The following NBAS variants were observed in gnomAD, a reference collection of about 807,000 sequenced individuals.
NBAS encodes NAG/BC035112 fusion.
A neutral mutation model predicts 302.5 loss-of-function variants in NBAS; 219 were observed. The observed-to-expected ratio is 0.72, with a 90% CI of 0.65 to 0.81. The LOEUF is 0.81. NBAS is among the 30% of genes least tolerant of loss of function. The pLI, the probability that NBAS is intolerant of heterozygous loss-of-function variation, is 0.00. For synonymous variants in NBAS, 1,118 were observed against 1,021.6 expected, an observed-to-expected ratio of 1.09 and a Z score of -1.80; for missense variants, 2,932 against 2,841.6, an observed-to-expected ratio of 1.03 and a Z score of -0.72.
chr2:14,928,259 T>C, the NBAS span, among the ~76,000 whole-genome samples: 9 of 152,226 alleles, frequency 5.9e-5, no homozygotes, highest in Non-Finnish European at 8.8e-5. Flanking sequence ...TGATTCCAAA[T>C]GCAAGCCTAG....
At chr2:15,286,455 T>C (rs1670047203) in intron 42 of NBAS, among the ~76,000 whole-genome samples, 1 of 152,232 alleles carries the variant, frequency 6.6e-6, no homozygotes, top group South Asian at 2.1e-4. Flanking sequence ...TCCACAATCT[T>C]GCTGTACAGC....
intron 3 of NBAS, among the ~76,000 whole-genome samples, chr2:15,556,047 C>T (rs1664629420): frequency 6.6e-6 from 1 of 152,050 alleles, no homozygotes; most frequent in Admixed American, 6.6e-5. Flanking sequence ...AAAAGTGACA[C>T]AATTAAGTAT....
chr2:15,329,209 T>C (rs1672209147), intron 36 of NBAS, among the ~76,000 whole-genome samples: 3 of 152,232 alleles, frequency 2.0e-5, no homozygotes, highest in African/African-American at 2.4e-5. Context: ...CCAAGCATAG[T>C]CTAGGGAAAC....
rs540004993 is a variant in NBAS, at chr2:15,171,680, C to A, written c.6841-4357G>T. 2.0e-5 allele frequency among the ~76,000 whole-genome samples: 3 copies of A among 152,296 alleles called. No individual in the cohort carries two copies. In the East Asian group the frequency reaches 5.8e-4, roughly 29 times the overall value. ...CTGTGTCCCGCACAAATTCGTATGT[C>A]GAAGCCCTTACCCTCAGTACCTCAC... On this transcript the variant is annotated intron_variant, in intron 51 of 51. Coordinates refer to ENST00000281513, the MANE Select transcript of NBAS (RefSeq NM_015909.4).
At chr2:15,185,278 C>A (rs1457117317) in intron 50 of NBAS, among the ~76,000 whole-genome samples, 1 of 152,116 alleles carries the variant, frequency 6.6e-6, no homozygotes, top group African/African-American at 2.4e-5. Context: ...AGATGAAAGC[C>A]CAAGAGTGTT....
chr2:15,517,774 G>A (rs544441740), intron 9 of NBAS, among the ~76,000 whole-genome samples: 2 of 152,158 alleles, frequency 1.3e-5, no homozygotes, highest in Non-Finnish European at 2.9e-5. Flanking sequence ...AGTACATAGA[G>A]TATCGTTTGC....
chr2:15,232,405 T>C lies in NBAS; in HGVS notation c.6236+17A>G, dbSNP rs772257082. On this transcript the variant is annotated intron_variant, in intron 47 of 51. Coordinates refer to ENST00000281513, the MANE Select transcript of NBAS (RefSeq NM_015909.4). ...GAAAGCCAGTTAATGAAGATGCACA[T>C]ACTGTTCTAGTCTTACCCCTTGTCC... 2 of 1,610,082 alleles carry C rather than the reference T, an allele frequency of 1.2e-6. No individual in the cohort carries two copies. The highest frequency in any genetic ancestry group is 1.7e-6 in the Non-Finnish European group (2 of 1,176,504).
chr2:15,404,039 C>T (rs952165335), intron 25 of NBAS, among the ~76,000 whole-genome samples: 1 of 151,902 alleles, frequency 6.6e-6, no homozygotes, highest in Non-Finnish European at 1.5e-5. Flanking sequence ...CCACACACAG[C>T]CCTCTGATTT....
At chr2:15,235,813 T>C (rs1667567108) in intron 45 of NBAS, among the ~76,000 whole-genome samples, 1 of 152,198 alleles carries the variant, frequency 6.6e-6, no homozygotes, top group Admixed American at 6.5e-5. Context: ...AAGTTTCATT[T>C]CACTGTTCTG....
intron 32 of NBAS, 34 bp downstream of exon 32, chr2:15,366,546 G>C: frequency 6.5e-7 from 1 of 1,537,892 alleles, no homozygotes; most frequent in Non-Finnish European, 9.0e-7. Flanking sequence ...AACATAGAAA[G>C]CTTATTCTGC....
the NBAS span, among the ~76,000 whole-genome samples, chr2:14,915,978 C>A: frequency 2.6e-5 from 4 of 152,172 alleles, no homozygotes; most frequent in African/African-American, 9.6e-5. Context: ...GCCTCCCCAG[C>A]CACATGGAAC....
At chr2:14,906,969 C>A in the NBAS span, among the ~76,000 whole-genome samples, 2 of 152,156 alleles carry the variant, frequency 1.3e-5, no homozygotes, top group African/African-American at 4.8e-5. Flanking sequence ...CGAGTTGAAT[C>A]CCTCAAGCAG....
the NBAS span, among the ~76,000 whole-genome samples, chr2:14,941,280 CTG>C: frequency 6.6e-6 from 1 of 152,194 alleles, no homozygotes; most frequent in Admixed American, 6.5e-5. Flanking sequence ...ATGACTATCT[CTG>C]TAGGCTTTTG....
Position 15,234,594 on chromosome 2 carries a change from G to C in NBAS, c.6097C>G (p.Pro2033Ala). Residue 2033 changes from proline to alanine, a missense_variant, in exon 46 of 52, where the codon CCC becomes GCC. Physicochemically the swap from Pro to Ala is conservative, Grantham distance 27. Transcript: ENST00000281513. ...ATTGCACTCTGCACTATATCCTTGG[G>C]TGAGATGTCAAGAGGGCCAACTGCC... ...EVAVGPLDIS[P>A]KDIVQSAIMK... 6.2e-7 allele frequency: 1 copy of C among 1,614,098 alleles called. No homozygotes were observed. The highest frequency in any genetic ancestry group is 8.5e-7 in the Non-Finnish European group (1 of 1,179,996).
At chr2:15,424,609 C>T in intron 22 of NBAS, 141 bp from the exon 23 acceptor site, 1 of 882,978 alleles carries the variant, frequency 1.1e-6, no homozygotes, top group South Asian at 1.4e-5. Flanking sequence ...GTATCTATCA[C>T]ATGCACACGC....
At chr2:14,780,808 C>T in the NBAS span, among the ~76,000 whole-genome samples, 1 of 152,170 alleles carries the variant, frequency 6.6e-6, no homozygotes, top group Non-Finnish European at 1.5e-5. Context: ...GTGTTTTATA[C>T]ATCTGTTTCC....
In NBAS at chr2:15,287,158, T is replaced by C. The variant is rs747809518; in HGVS notation, c.5053A>G (p.Ile1685Val). The change falls in exon 42 of 52, where the codon ATT (isoleucine) becomes GTT (valine). Residue 1685 changes from isoleucine to valine, a missense_variant. Transcript: ENST00000281513. ...TAACGTTGTGCCAGAGAAATAGCAA[T>C]GCTGTAGACGCTTTCCTCTAGAGTT... ...AETLEESVYS[I>V]AISLAQRYSV... 6.2e-7 allele frequency: 1 copy of C among 1,613,850 alleles called. No homozygotes were observed. The highest frequency in any genetic ancestry group is 1.1e-5 in the South Asian group (1 of 91,076).
At chr2:15,444,946 C>T (rs1225743449) in intron 21 of NBAS, among the ~76,000 whole-genome samples, 4 of 149,778 alleles carry the variant, frequency 2.7e-5, no homozygotes. Context: ...AAATCAAAAC[C>T]ACAATGAGAT....
At chr2:15,311,369 C>T (rs371102466) in intron 38 of NBAS, among the ~76,000 whole-genome samples, 20 of 152,166 alleles carry the variant, frequency 1.3e-4, no homozygotes, top group African/African-American at 4.8e-4. Flanking sequence ...CAGAGCATCA[C>T]TCTAGCACAC....
Sources: gnomAD v4.1 joint callset for allele counts (sites outside exome capture counted in the v4.1 genomes callset) on GRCh38, gnomAD v4.1.1 for gene constraint, MANE v1.5 for transcripts, NCBI Gene and HGNC (gene_info 2026-07-23, HGNC 2026-07-21) for gene names.